Variants in CABIN1 observed in about 807,000 individuals in gnomAD.
CABIN1 encodes calcineurin-binding protein cabin-1.
In CABIN1, 133 loss-of-function variants were observed where a neutral mutation model predicts 227.7. The ratio of observed to expected loss-of-function variants is 0.58; its 90% CI spans 0.51 to 0.67. The LOEUF (loss-of-function observed/expected upper bound fraction) is 0.67. Among genes scored for constraint, CABIN1 ranks in the 30% least tolerant of loss-of-function variants. CABIN1 has a pLI of 0.00. For missense variants in CABIN1, 2,408 were observed against 2,852.5 expected, an observed-to-expected ratio of 0.84 and a Z score of 3.55; for synonymous variants, 1,086 against 1,155.1, an observed-to-expected ratio of 0.94 and a Z score of 1.21.
In CABIN1 at chr22:24,086,368, TG is replaced by T. The variant is rs1447485731; in HGVS notation, c.3264-1081del. 6.6e-5 allele frequency among the ~76,000 whole-genome samples: 10 copies of T among 152,306 alleles called. No homozygotes were observed. The East Asian group carries it at 1.7e-3, about 26-fold the overall frequency. ...GAATTAAGGCTCATGGCAGCTTAAC[TG>T]GGCCTCCCTCCAACCTTCATACCTG... On this transcript the variant is annotated intron_variant, in intron 22 of 36. Transcript: ENST00000263119.
At chr22:24,024,903 T>A (rs976972653) in intron 1 of CABIN1, among the ~76,000 whole-genome samples, 2 of 152,190 alleles carry the variant, frequency 1.3e-5, no homozygotes, top group Non-Finnish European at 2.9e-5. Flanking sequence ...ATTATTTTCC[T>A]TATTTCCTTT....
intron 26 of CABIN1, among the ~76,000 whole-genome samples, chr22:24,099,244 G>A (rs2042070866): frequency 6.6e-6 from 1 of 152,194 alleles, no homozygotes; most frequent in South Asian, 2.1e-4. Flanking sequence ...AACTAAGTGG[G>A]TAGGGCTTGA....
At chr22:24,027,944 T>G (rs534284760) in intron 1 of CABIN1, among the ~76,000 whole-genome samples, 120 of 152,176 alleles carry the variant, frequency 7.9e-4, no homozygotes, top group Middle Eastern at 6.9e-3. Context: ...TGGCAGGTTT[T>G]TTTTTTTTTT....
intron 26 of CABIN1, among the ~76,000 whole-genome samples, chr22:24,109,372 ATT>A (rs555992246): frequency 7.0e-6 from 1 of 142,910 alleles, no homozygotes. Flanking sequence ...CGCCTGCCTA[ATT>A]TTTTTTTTTT....
Position 24,178,383 on chromosome 22 carries a change from G to A in CABIN1, c.*187G>A. On this transcript the variant is annotated 3_prime_UTR_variant, in exon 37 of 37. Transcript: ENST00000263119. Reference sequence around the variant, plus strand: ...CAGGTCAGGCTGTCCACACCACATGGGAGCCCAGAGGAGGAGGGGCCCGCC... The same window carrying A: ...CAGGTCAGGCTGTCCACACCACATGAGAGCCCAGAGGAGGAGGGGCCCGCC... 2 of 673,374 alleles carry A rather than the reference G, an allele frequency of 3.0e-6. No homozygotes were observed. The highest frequency in any genetic ancestry group is 5.0e-6 in the Non-Finnish European group (2 of 403,946). 41.7% of individuals were successfully genotyped at this position (673,374 alleles called of 1,614,324 possible).
Position 24,084,616 on chromosome 22 carries a change from A to G in CABIN1, c.2948A>G (p.Glu983Gly). Residue 983 changes from glutamate (E) to glycine (G), a missense_variant, in exon 21 of 37, where the codon GAG becomes GGG. By Grantham distance (98) the Glu-to-Gly change is moderately conservative. Around this residue, in one of 3 missense-constraint regions of CABIN1, gnomAD observed 649 missense variants for 910.3 expected, o/e 0.71. Coordinates refer to ENST00000263119, the MANE Select transcript of CABIN1 (RefSeq NM_012295.4). ...LIWEDALFMFEYFKPKTLPEF... is the reference protein window; with the variant it reads ...LIWEDALFMFGYFKPKTLPEF... ...TGGGAGGATGCACTGTTCATGTTTG[A>G]GTATTTTAAGCCCAAGACCCTTCCT... is the stretch of plus-strand genomic sequence containing the variant. The G allele has an allele frequency of 6.2e-7, 1 of 1,614,048 alleles. No homozygotes were observed. Among genetic ancestry groups the G allele is most frequent in the Non-Finnish European group, 8.5e-7 (1 of 1,179,988 alleles).
chr22:24,055,824 T>C (rs2038750429), intron 9 of CABIN1, among the ~76,000 whole-genome samples: 1 of 152,186 alleles, frequency 6.6e-6, no homozygotes, highest in Non-Finnish European at 1.5e-5. Flanking sequence ...TGCTGAGTGC[T>C]CAGAGGGTAC....
chr22:24,047,084 C>T (rs2147222160), intron 6 of CABIN1, among the ~76,000 whole-genome samples: 1 of 152,322 alleles, frequency 6.6e-6, no homozygotes, highest in South Asian at 2.1e-4. Flanking sequence ...AAGACACCCT[C>T]ACAGACACAC....
chr22:24,027,899 A>G (rs1455041927), intron 1 of CABIN1, among the ~76,000 whole-genome samples: 1 of 151,008 alleles, frequency 6.6e-6, no homozygotes, highest in Non-Finnish European at 1.5e-5. Context: ...TGACTAAGAT[A>G]CAGATTGAGG....
At chr22:24,090,322 G>T (rs1259684721) in intron 23 of CABIN1, among the ~76,000 whole-genome samples, 1 of 152,166 alleles carries the variant, frequency 6.6e-6, no homozygotes, top group African/African-American at 2.4e-5. Flanking sequence ...CTTGGTCCAG[G>T]TCACACAGCT....
intron 27 of CABIN1, among the ~76,000 whole-genome samples, chr22:24,117,515 G>A (rs1371486573): frequency 6.7e-6 from 1 of 150,004 alleles, no homozygotes; most frequent in East Asian, 2.0e-4. Context: ...CTGGGTTCTT[G>A]TTTCTCAGGG....
chr22:24,096,196 A>T, intron 25 of CABIN1, 114 bp downstream of exon 25: 7 of 1,242,174 alleles, frequency 5.6e-6, no homozygotes, highest in Non-Finnish European at 1.2e-6. Context: ...AGTAAACTAG[A>T]ACTCATGGAG....
intron 8 of CABIN1, among the ~76,000 whole-genome samples, chr22:24,053,668 C>T (rs962687333): frequency 4.6e-5 from 7 of 152,266 alleles, no homozygotes; most frequent in African/African-American, 1.4e-4. Flanking sequence ...CATGAGTCAC[C>T]GTGCCCAGCC....
In CABIN1 at chr22:24,076,289, G is replaced by C. The variant is rs1201884539; in HGVS notation, c.2748+5G>C. On this transcript the variant is annotated splice_donor_5th_base_variant and intron_variant, in intron 19 of 36. Transcript: ENST00000263119. ...GGGGCTCTGCTGCGATTCTATGTAA[G>C]TGCTTCCCCTTGGGCTGCAGACTGC... 3.1e-6 allele frequency: 5 copies of C among 1,611,736 alleles called. No homozygotes were observed. Among genetic ancestry groups the C allele is most frequent in the South Asian group, 2.2e-5 (2 of 91,032 alleles).
At chr22:24,096,265 GAGA>G in intron 25 of CABIN1, among the ~76,000 whole-genome samples, 183 bp downstream of exon 25, 1 of 152,326 alleles carries the variant, frequency 6.6e-6, no homozygotes, top group East Asian at 1.9e-4. Context: ...TGTTGAGTCT[GAGA>G]AGGAGAGGGT....
intron 1 of CABIN1, among the ~76,000 whole-genome samples, chr22:24,020,230 C>T (rs1453675387): frequency 6.6e-6 from 1 of 152,064 alleles, no homozygotes; most frequent in African/African-American, 2.4e-5. Context: ...TCAGACTTTC[C>T]CTTCTGTGGA....
chr22:24,094,823 CAAAAAAAAAA>C (rs201624847), intron 24 of CABIN1, among the ~76,000 whole-genome samples: 3 of 78,380 alleles, frequency 3.8e-5, no homozygotes, highest in Admixed American at 1.3e-4. Context: ...GACTCCGTCT[CAAAAAAAAAA>C]AAAAAAAAAA....
chr22:24,166,430 G>A lies in CABIN1; in HGVS notation c.5008-209G>A, dbSNP rs111923085. Among the ~76,000 whole-genome samples, 372 of 152,316 alleles carry A rather than the reference G, an allele frequency of 2.4e-3. 5 individuals are homozygous for A. The South Asian group carries it at 0.033, about 13-fold the overall frequency. ...AGAGTGTGGTGGGGTAGCCAGAGGT[G>A]CAGAGGAGGGAAGGCCTTTCTCAGG... On this transcript the variant is annotated intron_variant, in intron 31 of 36. Transcript: ENST00000263119.
chr22:24,138,733 T>C (rs1056458172), intron 29 of CABIN1, among the ~76,000 whole-genome samples: 1 of 152,196 alleles, frequency 6.6e-6, no homozygotes, highest in Admixed American at 6.5e-5. Context: ...ATCTGGAAGC[T>C]CAGGAACCTG....
Sources: allele counts gnomAD v4.1 joint callset (sites outside exome capture counted in the v4.1 genomes callset), GRCh38; gene constraint gnomAD v4.1.1; regional missense constraint gnomAD v4.1.1; transcripts MANE v1.5; gene names NCBI Gene and HGNC (gene_info 2026-07-23, HGNC 2026-07-21).